Variants in ROCK1 observed in about 807,000 individuals in gnomAD.
The protein encoded by ROCK1 is rho-associated protein kinase 1.
In ROCK1, 36 loss-of-function variants were observed where a neutral mutation model predicts 196.8. The observed-to-expected ratio is 0.18, with a 90% confidence interval of 0.14 to 0.24. The LOEUF (loss-of-function observed/expected upper bound fraction) is 0.24. Ranked by LOEUF, ROCK1 falls within the 10% of genes least tolerant of loss-of-function variation. ROCK1 has a pLI of 1.00. For synonymous variants in ROCK1, 443 were observed against 515.9 expected, an observed-to-expected ratio of 0.86 and a Z score of 1.91; for missense variants, 920 against 1,562.0, an observed-to-expected ratio of 0.59 and a Z score of 6.93.
chr18:21,067,940 C>T (rs1333460706), intron 2 of ROCK1, among the ~76,000 whole-genome samples: 4 of 152,252 alleles, frequency 2.6e-5, no homozygotes, highest in Admixed American at 6.5e-5. Context: ...TACGGATATC[C>T]AGTTGTCTGA....
At position 21,080,993 on chromosome 18, in the gene ROCK1, G is replaced by A. The variant is rs1266458019; in HGVS notation, c.94-10380C>T. Among the ~76,000 whole-genome samples the A allele has an allele frequency of 6.6e-5, 10 of 152,016 alleles. No individual in the cohort carries two copies. The East Asian group carries it at 1.7e-3, about 26-fold the overall frequency. ...TAATAAAAAAACAGAGGACATGAAC[G>A]ACACTATAAACCAACTGGACCTAAC... On this transcript the variant is annotated intron_variant, in intron 1 of 32. Transcript: ENST00000399799.
intron 11 of ROCK1, among the ~76,000 whole-genome samples, chr18:21,022,805 C>T (rs2093118138): frequency 6.6e-6 from 1 of 151,894 alleles, no homozygotes; most frequent in African/African-American, 2.4e-5. Flanking sequence ...GTTAATCATC[C>T]CTTCATTAAA....
chr18:21,089,434 T>G (rs1191495884), intron 1 of ROCK1, among the ~76,000 whole-genome samples: 1 of 152,232 alleles, frequency 6.6e-6, no homozygotes, highest in African/African-American at 2.4e-5. Context: ...TCTAGCTTAA[T>G]AGAAGACAAC....
At chr18:20,992,697 A>G in intron 17 of ROCK1, 134 bp downstream of exon 17, 1 of 579,900 alleles carries the variant, frequency 1.7e-6, no homozygotes, top group Non-Finnish European at 3.0e-6. Context: ...CATACAACCA[A>G]TCAAACATAA....
At chr18:20,993,282 C>A (rs1466337553) in intron 16 of ROCK1, among the ~76,000 whole-genome samples, 1 of 152,162 alleles carries the variant, frequency 6.6e-6, no homozygotes, top group Non-Finnish European at 1.5e-5. Flanking sequence ...CAGCTCACTG[C>A]AAGCTCTGCC....
At chr18:20,954,328 G>C (rs1395222601) in intron 31 of ROCK1, among the ~76,000 whole-genome samples, 1 of 147,006 alleles carries the variant, frequency 6.8e-6, no homozygotes, top group Non-Finnish European at 1.5e-5. Flanking sequence ...TGTAATCCCA[G>C]CACTTTGGGA....
chr18:21,051,804 A>C (rs758661445), intron 2 of ROCK1, among the ~76,000 whole-genome samples: 45 of 152,344 alleles, frequency 3.0e-4, no homozygotes, highest in Admixed American at 2.1e-3. Context: ...ACAGTCCCTG[A>C]GGAATGCTCT....
intron 8 of ROCK1, among the ~76,000 whole-genome samples, chr18:21,040,292 C>A (rs17202368): frequency 0.03 from 4,614 of 152,198 alleles, 188 homozygotes; most frequent in Admixed American, 0.12. Flanking sequence ...CTACCAAAAA[C>A]CTCCAGAAAC....
At chr18:21,093,757 C>T (rs1396755125) in intron 1 of ROCK1, among the ~76,000 whole-genome samples, 2 of 151,996 alleles carry the variant, frequency 1.3e-5, no homozygotes, top group African/African-American at 4.8e-5. Context: ...GAGATTGAAA[C>T]CATCCTGGCT....
Position 21,045,997 on chromosome 18 carries a change from G to A in ROCK1, c.415-530C>T, listed in dbSNP as rs188286. Among the ~76,000 whole-genome samples the A allele has an allele frequency of 7.9e-3, 1,040 of 131,158 alleles. 18 individuals carry two copies. The highest frequency in any genetic ancestry group is 5.7e-3 in the Non-Finnish European group (365 of 64,238). 86.0% of individuals were successfully genotyped at this position (131,158 alleles called of 152,430 possible). On this transcript the variant is annotated intron_variant, in intron 4 of 32. Transcript: ENST00000399799. Reference sequence around the variant, plus strand: ...GTGATGTCGGCTCACTGCAAGCTCCGCCTCCCAGGTTCACGCCATTCTCCT... The same window carrying A: ...GTGATGTCGGCTCACTGCAAGCTCCACCTCCCAGGTTCACGCCATTCTCCT...
rs560479724 is a variant in ROCK1 at position 20,977,291 on chromosome 18, TAA to T, written c.2654+2617_2654+2618del. Among the ~76,000 whole-genome samples the T allele has an allele frequency of 5.0e-3, 755 of 152,338 alleles. 7 individuals carry two copies. The highest frequency in any genetic ancestry group is 3.3e-3 in the Non-Finnish European group (225 of 68,036). Reference sequence around the variant, plus strand: ...CAAAAGTCCCCACTTTTCAATATTTTAAACTCTTCAGCATGATACACAAGGTC... The same window carrying T: ...CAAAAGTCCCCACTTTTCAATATTTTACTCTTCAGCATGATACACAAGGTC... On this transcript the variant is annotated intron_variant, in intron 22 of 32. Coordinates refer to ENST00000399799, the MANE Select transcript of ROCK1 (RefSeq NM_005406.3).
At chr18:21,041,845 T>C (rs1182785561) in intron 8 of ROCK1, among the ~76,000 whole-genome samples, 1 of 152,072 alleles carries the variant, frequency 6.6e-6, no homozygotes, top group African/African-American at 2.4e-5. Flanking sequence ...AAGTTAAAAA[T>C]TGAACAATAA....
intron 27 of ROCK1, among the ~76,000 whole-genome samples, chr18:20,964,627 G>A (rs866492323): frequency 1.3e-5 from 2 of 152,100 alleles, no homozygotes; most frequent in African/African-American, 2.4e-5. Flanking sequence ...TTCTAGCAAG[G>A]GAGAATGGCT....
At chr18:21,042,419 A>G in intron 7 of ROCK1, 146 bp downstream of exon 7, 1 of 1,047,334 alleles carries the variant, frequency 9.5e-7, no homozygotes, top group Non-Finnish European at 1.3e-6. Context: ...GCTTTTAAAA[A>G]CACATACGAA....
chr18:21,033,822 T>C (rs1344653347), intron 9 of ROCK1, among the ~76,000 whole-genome samples: 2 of 117,870 alleles, frequency 1.7e-5, no homozygotes, highest in African/African-American at 6.7e-5. Flanking sequence ...ATCGAGACCA[T>C]CCTGGCTAAC....
intron 8 of ROCK1, 129 bp from the exon 9 acceptor site, chr18:21,039,692 T>C (rs1444830790): frequency 3.1e-6 from 2 of 636,348 alleles, no homozygotes; most frequent in African/African-American, 3.7e-5. Flanking sequence ...TGAAATTATA[T>C]TGTCAGCATA....
rs768879403 is a variant in ROCK1 at position 20,984,332 on chromosome 18, T to C, written c.2489+19A>G. 2 of 1,554,880 alleles carry C rather than the reference T, an allele frequency of 1.3e-6. No homozygotes were observed. The highest frequency in any genetic ancestry group is 8.8e-7 in the Non-Finnish European group (1 of 1,139,224). ...AACACAAAAAAGAAAGAAATCACAA[T>C]GTTATTTTAAAGACTTACTTCGTAA... On this transcript the variant is annotated intron_variant, in intron 20 of 32. Coordinates refer to ENST00000399799, the MANE Select transcript of ROCK1 (RefSeq NM_005406.3).
Position 20,954,911 on chromosome 18 carries a change from C to T in ROCK1, c.3725G>A (p.Cys1242Tyr), listed in dbSNP as rs2035227363. 1 of 1,613,710 alleles carries T rather than the reference C, an allele frequency of 6.2e-7. No homozygotes were observed. Among genetic ancestry groups the T allele is most frequent in the Non-Finnish European group, 8.5e-7 (1 of 1,179,796 alleles). Residue 1242 changes from cysteine (C) to tyrosine (Y), a missense_variant, in exon 31 of 33, where the codon TGT becomes TAT. By Grantham distance (194) the Cys-to-Tyr change is radical. Transcript: ENST00000399799. ...CCAGAGAGGTTTGGCACAGGCATCA[C>T]AATTGGCAGGAAAGTGGTAGAGTGT... ...IPTLYHFPAN[C>Y]DACAKPLWHV...
intron 24 of ROCK1, 88 bp downstream of exon 24, chr18:20,969,021 TGAAAAC>T (rs1387393970): frequency 1.1e-6 from 1 of 924,066 alleles, no homozygotes; most frequent in African/African-American, 1.7e-5. Context: ...ACTTAATATA[TGAAAAC>T]AGGTATCTTA....
Sources: gnomAD v4.1 joint callset for allele counts (sites outside exome capture counted in the v4.1 genomes callset) on GRCh38, gnomAD v4.1.1 for gene constraint, MANE v1.5 for transcripts, NCBI Gene and HGNC (gene_info 2026-07-23, HGNC 2026-07-21) for gene names.